The following NAF1 variants were observed in gnomAD, a reference collection of about 807,000 sequenced individuals.
The protein encoded by NAF1 is H/ACA ribonucleoprotein complex non-core subunit NAF1.
Under a neutral mutation model 40.6 loss-of-function variants are expected in NAF1, and 11 were observed. The ratio of observed to expected loss-of-function variants is 0.27; its 90% confidence interval spans 0.17 to 0.45. The LOEUF (loss-of-function observed/expected upper bound fraction) is 0.45. NAF1 is among the 20% of genes least tolerant of loss of function. The pLI, the probability that NAF1 is intolerant of heterozygous loss-of-function variation, is 1.00. For missense variants in NAF1, 607 were observed against 611.1 expected (o/e 0.99, Z 0.07); for synonymous variants, 260 against 228.5 (o/e 1.14, Z -1.24).
At chr4:163,137,078 G>A (rs941271188) in intron 6 of NAF1, 121 bp downstream of exon 6, 1 of 1,074,208 alleles carries the variant, frequency 9.3e-7, no homozygotes, top group Non-Finnish European at 1.4e-6. Context: ...GCTAGGACAG[G>A]ATAAGGCAGT....
chr4:163,107,046 G>C (rs964801843), downstream of NAF1, among the ~76,000 whole-genome samples: 5 of 151,956 alleles, frequency 3.3e-5, no homozygotes, highest in African/African-American at 1.2e-4. Context: ...GAGTGCAGTG[G>C]TGCAATCTCG....
chr4:163,125,970 C>A (rs182531825), downstream of NAF1, among the ~76,000 whole-genome samples: 45 of 151,896 alleles, frequency 3.0e-4, no homozygotes, highest in East Asian at 6.8e-3. Flanking sequence ...AAAAACTATG[C>A]CTGGATGACA....
At chr4:163,126,984 G>T (rs1730675988), downstream of NAF1, 1 of 1,550,024 alleles carries the variant, frequency 6.5e-7, no homozygotes, top group Non-Finnish European at 8.7e-7. Flanking sequence ...CAATGCTATT[G>T]CATACTTAAT....
At position 163,166,639 on chromosome 4, in the gene NAF1, G is replaced by A; in HGVS notation, c.89C>T (p.Pro30Leu). 1.9e-6 allele frequency: 3 copies of A among 1,612,548 alleles called. No individual in the cohort carries two copies. Among genetic ancestry groups the A allele is most frequent in the African/African-American group, 2.7e-5 (2 of 75,052 alleles). The change falls in exon 1 of 8, where the codon CCG becomes CTG. Residue 30 changes from proline (P) to leucine (L), a missense_variant. By Grantham distance (98) the Pro-to-Leu change is moderately conservative (BLOSUM62 -3). Around this residue, in one of 3 missense-constraint regions of NAF1, gnomAD observed 407 missense variants for 365.5 expected, o/e 1.11. Coordinates refer to ENST00000274054, the MANE Select transcript of NAF1 (RefSeq NM_138386.3). ...TGGCACAGGGGCAGAGCCCGGAGACGGAGCCGCCGGACCTTCCCCAACTCC... is the reference window on the plus strand; with the variant it reads ...TGGCACAGGGGCAGAGCCCGGAGACAGAGCCGCCGGACCTTCCCCAACTCC... ...DFGVGEGPAA[P>L]SPGSAPVPGT...
At chr4:163,142,627 A>C (rs1001293056) in intron 4 of NAF1, among the ~76,000 whole-genome samples, 1 of 152,262 alleles carries the variant, frequency 6.6e-6, no homozygotes, top group African/African-American at 2.4e-5. Flanking sequence ...GTAAAACAAC[A>C]TCACAGGCAG....
At chr4:163,126,156 A>G (rs1257715685), downstream of NAF1, among the ~76,000 whole-genome samples, 1 of 152,206 alleles carries the variant, frequency 6.6e-6, no homozygotes, top group Non-Finnish European at 1.5e-5. Context: ...TCCATAGCCC[A>G]TGGATCAAGG....
intron 5 of NAF1, among the ~76,000 whole-genome samples, chr4:163,137,522 T>A (rs558600708): frequency 1.3e-5 from 2 of 152,162 alleles, no homozygotes; most frequent in South Asian, 4.1e-4. Context: ...ACAGCTCTTT[T>A]GATTTTTGTT....
intron 5 of NAF1, among the ~76,000 whole-genome samples, chr4:163,138,118 A>G (rs949077378): frequency 6.6e-6 from 1 of 152,168 alleles, no homozygotes; most frequent in African/African-American, 2.4e-5. Context: ...TTTAAACTAG[A>G]TCTCAAAAAT....
chr4:163,133,093 G>T, intron 7 of NAF1, 61 bp downstream of exon 7: 1 of 1,363,748 alleles, frequency 7.3e-7, no homozygotes, highest in Non-Finnish European at 1.0e-6. Flanking sequence ...TTTTATTATT[G>T]ATAAACTTAT....
At chr4:163,162,927 G>A (rs569405790) in intron 2 of NAF1, among the ~76,000 whole-genome samples, 5 of 152,208 alleles carry the variant, frequency 3.3e-5, no homozygotes, top group Admixed American at 1.3e-4. Flanking sequence ...GGGACATTCT[G>A]TTCAGAAAAA....
chr4:163,122,037 G>A (rs1404411299), downstream of NAF1, among the ~76,000 whole-genome samples: 1 of 152,092 alleles, frequency 6.6e-6, no homozygotes, highest in Non-Finnish European at 1.5e-5. Flanking sequence ...AAACTTTTAA[G>A]TTAATAAAAT....
chr4:163,141,719 C>T (rs1288903604), intron 4 of NAF1, among the ~76,000 whole-genome samples: 2 of 152,076 alleles, frequency 1.3e-5, no homozygotes, highest in South Asian at 2.1e-4. Context: ...GCTGAAAGTA[C>T]GATAATTAAC....
downstream of NAF1, among the ~76,000 whole-genome samples, chr4:163,128,075 C>A (rs1730720945): frequency 1.3e-5 from 2 of 152,178 alleles, no homozygotes; most frequent in Non-Finnish European, 2.9e-5. Flanking sequence ...TACATTGACA[C>A]TTCATAATAT....
At chr4:163,105,797 A>G (rs1177563698), downstream of NAF1, among the ~76,000 whole-genome samples, 1 of 152,200 alleles carries the variant, frequency 6.6e-6, no homozygotes, top group Non-Finnish European at 1.5e-5. Context: ...ATCTTTTAGC[A>G]GATGTGGAAA....
At chr4:163,143,272 C>T (rs1206802975) in intron 4 of NAF1, among the ~76,000 whole-genome samples, 4 of 152,138 alleles carry the variant, frequency 2.6e-5, no homozygotes, top group Non-Finnish European at 5.9e-5. Context: ...TCCTATCACA[C>T]ACAGAGGTTA....
chr4:163,106,659 A>C (rs1730053861), downstream of NAF1, among the ~76,000 whole-genome samples: 1 of 152,182 alleles, frequency 6.6e-6, no homozygotes, highest in African/African-American at 2.4e-5. Flanking sequence ...ATAAGATTTC[A>C]GCCTAAAAAT....
chr4:163,154,515 CATA>C, intron 2 of NAF1, among the ~76,000 whole-genome samples: 2 of 152,250 alleles, frequency 1.3e-5, no homozygotes, highest in Middle Eastern at 6.8e-3. Context: ...GAAAAAGGCA[CATA>C]TGTGGAGGTC....
intron 2 of NAF1, among the ~76,000 whole-genome samples, chr4:163,152,267 T>A (rs989718408): frequency 6.6e-6 from 1 of 152,228 alleles, no homozygotes; most frequent in Non-Finnish European, 1.5e-5. Flanking sequence ...AGTGTTGAGT[T>A]TCATCAAATA....
At chr4:163,112,698 GCT>G (rs1301389392) in intron 2 of NAF1, among the ~76,000 whole-genome samples, 1 of 152,272 alleles carries the variant, frequency 6.6e-6, no homozygotes, top group African/African-American at 2.4e-5. Flanking sequence ...GGGGTATAAG[GCT>G]CTTTTTGTGA....
Sources: gnomAD v4.1 joint callset for allele counts (sites outside exome capture counted in the v4.1 genomes callset) on GRCh38, gnomAD v4.1.1 for gene constraint, gnomAD v4.1.1 regional missense constraint, MANE v1.5 for transcripts, NCBI Gene and HGNC (gene_info 2026-07-23, HGNC 2026-07-21) for gene names.